CFH: variants seen among roughly 807,000 people sequenced by gnomAD.
CFH encodes H factor 1 (complement).
Under a neutral mutation model 147.3 loss-of-function variants are expected in CFH, and 53 were observed. The observed-to-expected ratio is 0.36, with a 90% CI of 0.29 to 0.45. The LOEUF (loss-of-function observed/expected upper bound fraction) is 0.45. Among genes scored for constraint, CFH ranks in the 20% least tolerant of loss-of-function variants. CFH has a pLI of 1.00. For missense variants in CFH, 1,380 were observed against 1,498.0 expected (o/e 0.92, Z 1.30); for synonymous variants, 536 against 489.4 (o/e 1.10, Z -1.26).
intron 9 of CFH, among the ~76,000 whole-genome samples, chr1:196,707,646 T>C (rs1390809445): frequency 1.3e-5 from 2 of 152,182 alleles, no homozygotes; most frequent in Non-Finnish European, 2.9e-5. Context: ...CAGATTCTTG[T>C]CCTATCAAGA....
chr1:196,689,056 G>A (rs1667934462), intron 7 of CFH, among the ~76,000 whole-genome samples: 1 of 151,956 alleles, frequency 6.6e-6, no homozygotes, highest in South Asian at 2.1e-4. Flanking sequence ...AGAAATACAT[G>A]AGCTAAGCGG....
At chr1:196,661,470 C>T (rs1666902716) in intron 1 of CFH, among the ~76,000 whole-genome samples, 1 of 152,122 alleles carries the variant, frequency 6.6e-6, no homozygotes, top group South Asian at 2.1e-4. Context: ...AAGATAGTAC[C>T]AGCAGATTCA....
chr1:196,661,081 C>A (rs986167087), intron 1 of CFH, among the ~76,000 whole-genome samples: 10 of 151,856 alleles, frequency 6.6e-5, no homozygotes, highest in African/African-American at 1.7e-4. Context: ...GCGGAAGGGG[C>A]CGGGGATTGT....
chr1:196,695,786 C>T (rs1029392000), intron 9 of CFH, among the ~76,000 whole-genome samples: 1 of 152,028 alleles, frequency 6.6e-6, no homozygotes, highest in African/African-American at 2.4e-5. Context: ...TGGGAGTTCA[C>T]TCATGATTTG....
rs1441530642 is a variant in CFH at position 196,682,637 on chromosome 1, T to TA, written c.791-2426dup. 2.0e-5 allele frequency among the ~76,000 whole-genome samples: 3 copies of TA among 151,362 alleles called. No individual in the cohort carries two copies. In the Admixed American group the frequency reaches 2.0e-4, roughly 10 times the overall value. On this transcript the variant is annotated intron_variant, in intron 6 of 21. Transcript: ENST00000367429. ...TACATAAACTGAACTTTAATGGGTA[T>TA]ATGAAAATATGATAGAGAAGAATGA...
intron 9 of CFH, among the ~76,000 whole-genome samples, 185 bp from the exon 10 acceptor site, chr1:196,713,550 G>A (rs1668773245): frequency 6.6e-6 from 1 of 152,038 alleles, no homozygotes; most frequent in African/African-American, 2.4e-5. Flanking sequence ...GTGATGAAGA[G>A]TCTTGATGTA....
intron 17 of CFH, among the ~76,000 whole-genome samples, chr1:196,739,098 G>A (rs2149114190): frequency 6.6e-6 from 1 of 152,340 alleles, no homozygotes; most frequent in Non-Finnish European, 1.5e-5. Flanking sequence ...TGGAGCTGAA[G>A]CAGCTGGGAT....
At chr1:196,730,021 T>C (rs1046983503) in intron 15 of CFH, among the ~76,000 whole-genome samples, 1 of 151,844 alleles carries the variant, frequency 6.6e-6, no homozygotes, top group African/African-American at 2.4e-5. Context: ...TTTTTGATTA[T>C]CTAAAAAAAA....
At chr1:196,734,791 T>C (rs905716493) in intron 15 of CFH, among the ~76,000 whole-genome samples, 2 of 151,946 alleles carry the variant, frequency 1.3e-5, no homozygotes, top group African/African-American at 4.8e-5. Flanking sequence ...ATTAATATTT[T>C]CAAAAACCAA....
chr1:196,725,035 A>C, intron 11 of CFH, 86 bp from the exon 12 acceptor site: 1 of 1,153,126 alleles, frequency 8.7e-7, no homozygotes, highest in Non-Finnish European at 1.3e-6. Flanking sequence ...ACCCAATATC[A>C]ACCTCACTTT....
chr1:196,704,693 G>A (rs1668545044), intron 9 of CFH, among the ~76,000 whole-genome samples: 1 of 152,216 alleles, frequency 6.6e-6, no homozygotes, highest in Non-Finnish European at 1.5e-5. Context: ...AAAAGGCACA[G>A]CAATGCATTT....
rs556854784 is a variant in CFH, at chr1:196,742,127, C to A, written c.3133+76C>A. 102 of 1,448,126 alleles carry A rather than the reference C, an allele frequency of 7.0e-5. No individual in the cohort carries two copies. In the African/African-American group the frequency reaches 1.3e-3, roughly 19 times the overall value. 89.7% of individuals were successfully genotyped at this position (1,448,126 alleles called of 1,614,324 possible). A position where few individuals can be genotyped will look rare whatever the true frequency, so the allele number is the denominator to read the frequency against. On this transcript the variant is annotated intron_variant, in intron 19 of 21. Transcript: ENST00000367429. ...CAGTGGCTGGCGCCTGTAATCCCAG[C>A]ACTTTGGGAGGCCGAGGTGGGCGGA...
At chr1:196,674,674 G>A (rs2149078783) in intron 3 of CFH, among the ~76,000 whole-genome samples, 1 of 152,078 alleles carries the variant, frequency 6.6e-6, no homozygotes, top group Non-Finnish European at 1.5e-5. Context: ...ATTACAAATG[G>A]AATAACATTA....
chr1:196,674,500 A>G (rs927467874), intron 3 of CFH, among the ~76,000 whole-genome samples: 5 of 152,106 alleles, frequency 3.3e-5, no homozygotes, highest in African/African-American at 4.8e-5. Context: ...CTAACCAACT[A>G]CTGGGTTTTC....
intron 6 of CFH, among the ~76,000 whole-genome samples, chr1:196,680,880 T>C (rs1268615255): frequency 1.3e-5 from 2 of 151,920 alleles, no homozygotes; most frequent in Non-Finnish European, 2.9e-5. Context: ...TTGGAAAACA[T>C]ATTTTTCTTC....
intron 9 of CFH, among the ~76,000 whole-genome samples, chr1:196,691,359 A>T (rs1558162694): frequency 6.6e-6 from 1 of 152,068 alleles, no homozygotes; most frequent in Non-Finnish European, 1.5e-5. Flanking sequence ...TCTACTCTAG[A>T]AGGTTTCCTA....
rs751320451 is a variant in CFH at position 196,743,639 on chromosome 1, A to C, written c.3310+11A>C. On this transcript the variant is annotated intron_variant, in intron 20 of 21. Coordinates refer to ENST00000367429, the MANE Select transcript of CFH (RefSeq NM_000186.4). Reference sequence around the variant, plus strand: ...CACCTCAATGCAAAGGTAGAGTATTATATTTCTTTTAACATTTTGGGGGAG... The same window carrying C: ...CACCTCAATGCAAAGGTAGAGTATTCTATTTCTTTTAACATTTTGGGGGAG... 6.2e-7 allele frequency: 1 copy of C among 1,613,862 alleles called. No individual in the cohort carries two copies. Among genetic ancestry groups the C allele is most frequent in the African/African-American group, 1.3e-5 (1 of 75,058 alleles).
At chr1:196,693,822 G>A (rs1020727577) in intron 9 of CFH, among the ~76,000 whole-genome samples, 4 of 152,016 alleles carry the variant, frequency 2.6e-5, no homozygotes, top group Non-Finnish European at 5.9e-5. Context: ...CCATTCATGT[G>A]TTGAAGGGCA....
intron 1 of CFH, among the ~76,000 whole-genome samples, chr1:196,671,786 T>C (rs1220155641): frequency 6.7e-6 from 1 of 149,882 alleles, no homozygotes; most frequent in South Asian, 2.1e-4. Context: ...AAGCCATTTA[T>C]ATATATGTTT....
Sources: gnomAD v4.1 joint callset for allele counts (sites outside exome capture counted in the v4.1 genomes callset) on GRCh38, gnomAD v4.1.1 for gene constraint, MANE v1.5 for transcripts, NCBI Gene and HGNC (gene_info 2026-07-23, HGNC 2026-07-21) for gene names.